The following ROBO2 variants were observed in gnomAD, a reference collection of about 807,000 sequenced individuals.
ROBO2 encodes the protein roundabout homolog 2.
A neutral mutation model predicts 160.8 loss-of-function variants in ROBO2; 53 were observed. The observed-to-expected ratio is 0.33, with a 90% CI of 0.26 to 0.41. ROBO2 has a LOEUF of 0.41. ROBO2 is among the 10% of genes least tolerant of loss of function. The probability of loss-of-function intolerance (pLI) is 1.00; values close to 1 mark genes in which losing one functional copy is unlikely to be tolerated. For synonymous variants in ROBO2, 664 were observed against 611.7 expected, an observed-to-expected ratio of 1.09 and a Z score of -1.26; for missense variants, 1,577 against 1,722.4, an observed-to-expected ratio of 0.92 and a Z score of 1.49.
chr3:76,890,036 G>A (rs2074219618), intron 2 of ROBO2, among the ~76,000 whole-genome samples: 1 of 152,114 alleles, frequency 6.6e-6, no homozygotes, highest in African/African-American at 2.4e-5. Context: ...GCCATCCTAA[G>A]GACTTTCCTT....
chr3:77,002,975 C>T (rs889840681), intron 2 of ROBO2, among the ~76,000 whole-genome samples: 16 of 128,622 alleles, frequency 1.2e-4, no homozygotes, highest in African/African-American at 4.4e-4. Flanking sequence ...AGAAATCTCC[C>T]TAAGTCTTTC....
At chr3:76,119,957 CCTTCCTTCCTTCCTTCCT>C (rs2070673996) in intron 2 of ROBO2, among the ~76,000 whole-genome samples, 1 of 138,564 alleles carries the variant, frequency 7.2e-6, no homozygotes. Flanking sequence ...TTCCTTCCTT[CCTTCCTTCCTTCCTTCCT>C]CTCTCTTTCT....
At chr3:77,079,842 T>C (rs1383798858) in intron 1 of ROBO2, among the ~76,000 whole-genome samples, 2 of 152,188 alleles carry the variant, frequency 1.3e-5, no homozygotes, top group African/African-American at 2.4e-5. Context: ...CTCAAGTGAA[T>C]AAATTAGCAC....
In ROBO2 at chr3:77,539,541, A is replaced by C. The variant is rs1333747491; in HGVS notation, c.935-6797A>C. On this transcript the variant is annotated intron_variant, in intron 6 of 25. Coordinates refer to ENST00000461745, the Ensembl canonical transcript of ROBO2. Reference sequence around the variant, plus strand: ...TGTATAGGTATAATGGAATAGGTATAATAATGCAGATATATTATTCCTTAG... The same window carrying C: ...TGTATAGGTATAATGGAATAGGTATCATAATGCAGATATATTATTCCTTAG... Among the ~76,000 whole-genome samples the C allele has an allele frequency of 5.9e-5, 9 of 152,300 alleles. No homozygotes were observed. In the South Asian group the frequency reaches 8.3e-4, roughly 14 times the overall value.
At chr3:77,530,656 TTAATC>T (rs373992805) in intron 6 of ROBO2, among the ~76,000 whole-genome samples, 1 of 152,126 alleles carries the variant, frequency 6.6e-6, no homozygotes, top group African/African-American at 2.4e-5. Flanking sequence ...AAAGAGCTCT[TTAATC>T]TAACGTTCAT....
chr3:77,229,419 A>T (rs2086884252), intron 2 of ROBO2, among the ~76,000 whole-genome samples: 1 of 151,994 alleles, frequency 6.6e-6, no homozygotes, highest in South Asian at 2.1e-4. Context: ...GTGGTGGCTC[A>T]TGCCTGTAAT....
intron 2 of ROBO2, among the ~76,000 whole-genome samples, chr3:76,173,301 GTCTA>G (rs559171312): frequency 2.0e-4 from 31 of 151,614 alleles, no homozygotes; most frequent in East Asian, 9.7e-4. Flanking sequence ...ATTCAGATAA[GTCTA>G]TCTAACATAC....
intron 2 of ROBO2, among the ~76,000 whole-genome samples, chr3:76,519,536 G>A (rs1196173894): frequency 6.6e-6 from 1 of 152,138 alleles, no homozygotes; most frequent in East Asian, 1.9e-4. Flanking sequence ...ACAGTCAGGG[G>A]ATAATTTAAT....
chr3:77,297,613 G>A (rs1467843696), intron 2 of ROBO2, among the ~76,000 whole-genome samples: 1 of 152,048 alleles, frequency 6.6e-6, no homozygotes, highest in Non-Finnish European at 1.5e-5. Context: ...TACATGTTGC[G>A]TTTTCAAAAG....
chr3:77,613,886 A>C (rs938454614), intron 21 of ROBO2, among the ~76,000 whole-genome samples: 1 of 152,188 alleles, frequency 6.6e-6, no homozygotes, highest in Non-Finnish European at 1.5e-5. Flanking sequence ...TACATCAAGG[A>C]AACCTTCATA....
intron 17 of ROBO2, among the ~76,000 whole-genome samples, chr3:77,591,006 T>G (rs2153684970): frequency 6.6e-6 from 1 of 152,196 alleles, no homozygotes; most frequent in African/African-American, 2.4e-5. Context: ...TTTCAGAAGT[T>G]TTTTACTTAA....
chr3:76,070,842 G>C (rs1559886867), intron 2 of ROBO2, among the ~76,000 whole-genome samples: 2 of 152,080 alleles, frequency 1.3e-5, no homozygotes, highest in East Asian at 1.9e-4. Flanking sequence ...CGGAATATCA[G>C]GGCAGATTCC....
chr3:76,348,111 G>T (rs1460866153), intron 2 of ROBO2, among the ~76,000 whole-genome samples: 1 of 142,322 alleles, frequency 7.0e-6, no homozygotes, highest in Non-Finnish European at 1.5e-5. Context: ...GTCCGCCCAA[G>T]CACTGTCCGC....
chr3:76,381,163 G>A (rs1011742742), intron 2 of ROBO2, among the ~76,000 whole-genome samples: 2 of 152,040 alleles, frequency 1.3e-5, no homozygotes, highest in Non-Finnish European at 2.9e-5. Context: ...GCTCTCTTCG[G>A]GGGTGTCAAT....
intron 2 of ROBO2, among the ~76,000 whole-genome samples, chr3:77,314,014 A>G (rs2063760247): frequency 6.6e-6 from 1 of 152,208 alleles, no homozygotes; most frequent in Admixed American, 6.5e-5. Context: ...TTCAGTATCC[A>G]GGGTGAAGGA....
Position 76,298,333 on chromosome 3 carries a change from C to T in ROBO2, c.109+360731C>T, listed in dbSNP as rs143008429. 8.6e-4 allele frequency among the ~76,000 whole-genome samples: 131 copies of T among 152,062 alleles called. 1 individual carries two copies. In the Middle Eastern group the frequency reaches 0.027, roughly 32 times the overall value. ...GGGGAACGATGTGAGGTGTGTTGTA[C>T]GAGTTTGGATCCAATATAGACCAAG... On this transcript the variant is annotated intron_variant, in intron 2 of 26. Transcript: ENST00000487694.
chr3:76,569,273 A>G (rs2084805744), intron 2 of ROBO2, among the ~76,000 whole-genome samples: 1 of 152,220 alleles, frequency 6.6e-6, no homozygotes, highest in African/African-American at 2.4e-5. Context: ...GGATGCATAT[A>G]CTAGATGTTA....
intron 1 of ROBO2, among the ~76,000 whole-genome samples, chr3:75,924,099 A>G (rs1947185021): frequency 6.6e-6 from 1 of 152,198 alleles, no homozygotes; most frequent in South Asian, 2.1e-4. Flanking sequence ...TGCATGATAC[A>G]TAACTTTACT....
chr3:75,977,670 G>A (rs2065167702), intron 2 of ROBO2, among the ~76,000 whole-genome samples: 2 of 151,396 alleles, frequency 1.3e-5, no homozygotes, highest in Admixed American at 6.6e-5. Flanking sequence ...CTCATGATAA[G>A]GAAATTTGAA....
Sources: allele counts gnomAD v4.1 joint callset (sites outside exome capture counted in the v4.1 genomes callset), GRCh38; gene constraint gnomAD v4.1.1; transcripts MANE v1.5; gene names NCBI Gene and HGNC (gene_info 2026-07-23, HGNC 2026-07-21).